The following PPP6R2 variants were observed in gnomAD, a reference collection of about 807,000 sequenced individuals.
PPP6R2 encodes serine/threonine-protein phosphatase 6 regulatory subunit 2.
PPP6R2 carries 62 observed loss-of-function variants against 100.2 expected under a neutral mutation model. The observed-to-expected ratio is 0.62, with a 90% confidence interval of 0.50 to 0.76. The LOEUF (loss-of-function observed/expected upper bound fraction) is 0.76. Among genes scored for constraint, PPP6R2 ranks in the 30% least tolerant of loss-of-function variants. The pLI is 0.00. For missense variants in PPP6R2, 1,142 were observed against 1,276.3 expected (o/e 0.89, Z 1.60); for synonymous variants, 525 against 514.7 (o/e 1.02, Z -0.27).
chr22:50,356,598 C>T (rs1031619687), intron 1 of PPP6R2, among the ~76,000 whole-genome samples: 3 of 152,058 alleles, frequency 2.0e-5, no homozygotes, highest in African/African-American at 7.2e-5. Flanking sequence ...AGTAGAAGTG[C>T]TGGGTTATAA....
intron 3 of PPP6R2, among the ~76,000 whole-genome samples, chr22:50,396,036 A>G (rs2056739809): frequency 6.6e-6 from 1 of 150,818 alleles, no homozygotes; most frequent in Non-Finnish European, 1.5e-5. Context: ...CTCTAATAAA[A>G]ATACAAAAAT....
chr22:50,394,153 G>T lies in PPP6R2; in HGVS notation c.227+18G>T. On this transcript the variant is annotated intron_variant, in intron 3 of 23. Coordinates refer to ENST00000612753, the MANE Select transcript of PPP6R2 (RefSeq NM_001242898.2). ...CGCTTCAAGTATGTACCAAAGCTGT[G>T]ACGGGCCAGTACGCCAGGCAGTGCT... 1 of 1,611,374 alleles carries T rather than the reference G, an allele frequency of 6.2e-7. No homozygotes were observed. The highest frequency in any genetic ancestry group is 1.1e-5 in the South Asian group (1 of 91,024).
At chr22:50,345,791 T>C (rs969986139) in intron 1 of PPP6R2, among the ~76,000 whole-genome samples, 2 of 2,300 alleles carry the variant, frequency 8.7e-4, no homozygotes, top group Non-Finnish European at 1.4e-3. Flanking sequence ...CAGTGCCCCC[T>C]CCAGTCAGTT....
chr22:50,338,439 G>C (rs2042327919), upstream of PPP6R2, among the ~76,000 whole-genome samples: 1 of 138,498 alleles, frequency 7.2e-6, no homozygotes, highest in Non-Finnish European at 1.5e-5. Context: ...GGTGTGTGTA[G>C]AGTGTGTGGT....
At chr22:50,430,697 A>C (rs2062964215) in intron 10 of PPP6R2, among the ~76,000 whole-genome samples, 1 of 152,052 alleles carries the variant, frequency 6.6e-6, no homozygotes, top group Non-Finnish European at 1.5e-5. Flanking sequence ...AACATGGCAA[A>C]ATCCCGTCTC....
intron 1 of PPP6R2, among the ~76,000 whole-genome samples, chr22:50,361,136 C>T (rs994761759): frequency 2.0e-5 from 3 of 152,210 alleles, no homozygotes; most frequent in African/African-American, 7.2e-5. Flanking sequence ...TGATGCCCTT[C>T]CTGGACTAGT....
intron 1 of PPP6R2, among the ~76,000 whole-genome samples, chr22:50,370,552 G>A (rs2049915035): frequency 6.6e-6 from 1 of 152,194 alleles, no homozygotes; most frequent in Non-Finnish European, 1.5e-5. Context: ...CTCCCAAAGT[G>A]CTGGGATTAC....
At chr22:50,371,648 C>CTT (rs11370458) in intron 1 of PPP6R2, among the ~76,000 whole-genome samples, 7 of 151,448 alleles carry the variant, frequency 4.6e-5, no homozygotes, top group South Asian at 4.2e-4. Flanking sequence ...TTTGTAATTG[C>CTT]TTTTTTTTGA....
At chr22:50,355,230 T>TTC (rs202160390) in intron 1 of PPP6R2, among the ~76,000 whole-genome samples, 12,132 of 135,884 alleles carry the variant, frequency 0.089, 683 homozygotes, top group East Asian at 0.2. Context: ...AGCAGCCTTC[T>TTC]TTTTTTTTTT....
intron 1 of PPP6R2, among the ~76,000 whole-genome samples, chr22:50,365,703 TA>T (rs2048632234): frequency 6.7e-6 from 1 of 150,240 alleles, no homozygotes; most frequent in Non-Finnish European, 1.5e-5. Context: ...AAGAACCATT[TA>T]AATGTCCTTA....
intron 4 of PPP6R2, among the ~76,000 whole-genome samples, chr22:50,410,388 T>G (rs2059570603): frequency 6.6e-6 from 1 of 152,094 alleles, no homozygotes; most frequent in Non-Finnish European, 1.5e-5. Flanking sequence ...TACACTGCAG[T>G]TCTCTGTATG....
chr22:50,418,802 A>G, intron 6 of PPP6R2, 65 bp from the exon 7 acceptor site: 1 of 1,306,280 alleles, frequency 7.7e-7, no homozygotes, highest in South Asian at 1.2e-5. Context: ...CTGTGTGCCC[A>G]GCAGGGCTGG....
chr22:50,351,127 G>A (rs1460488139), intron 1 of PPP6R2, among the ~76,000 whole-genome samples: 18 of 127,298 alleles, frequency 1.4e-4, no homozygotes, highest in Non-Finnish European at 2.4e-4. Flanking sequence ...CGCAACCTAA[G>A]CCTCCCAGGT....
chr22:50,439,561 A>G (rs1159926840), intron 19 of PPP6R2, 140 bp from the exon 20 acceptor site: 1 of 954,414 alleles, frequency 1.0e-6, no homozygotes, highest in Non-Finnish European at 1.5e-6. Context: ...GCTGACGGGC[A>G]CTGCCTGGGC....
upstream of PPP6R2, among the ~76,000 whole-genome samples, chr22:50,340,728 C>T (rs183262030): frequency 1.3e-5 from 2 of 151,720 alleles, no homozygotes; most frequent in East Asian, 3.9e-4. Flanking sequence ...GAAGGCCCTG[C>T]GGGGATGCAG....
At chr22:50,421,452 C>A (rs1290274073) in intron 8 of PPP6R2, among the ~76,000 whole-genome samples, 4 of 152,238 alleles carry the variant, frequency 2.6e-5, no homozygotes, top group Non-Finnish European at 4.4e-5. Flanking sequence ...AAGCGATCCT[C>A]CCACCTGTCC....
intron 2 of PPP6R2, among the ~76,000 whole-genome samples, chr22:50,381,663 GT>G (rs2053053317): frequency 6.6e-6 from 1 of 152,178 alleles, no homozygotes; most frequent in Admixed American, 6.5e-5. Flanking sequence ...GCTCACGCCT[GT>G]AATCCCAGCA....
chr22:50,337,164 TGTGTG>T, the PPP6R2 span, among the ~76,000 whole-genome samples: 2 of 146,732 alleles, frequency 1.4e-5, no homozygotes, highest in African/African-American at 5.1e-5. Flanking sequence ...GTGTGTGCGA[TGTGTG>T]GTGTGTGTGG....
intron 10 of PPP6R2, among the ~76,000 whole-genome samples, chr22:50,424,378 CCG>C (rs2061742991): frequency 1.3e-5 from 2 of 151,394 alleles, no homozygotes; most frequent in African/African-American, 4.9e-5. Flanking sequence ...TGTGGAAGGT[CCG>C]TCCGCGTGTG....
Sources: gnomAD v4.1 joint callset for allele counts (sites outside exome capture counted in the v4.1 genomes callset) on GRCh38, gnomAD v4.1.1 for gene constraint, MANE v1.5 for transcripts, NCBI Gene and HGNC (gene_info 2026-07-23, HGNC 2026-07-21) for gene names.